Variants in CAPZB observed in about 807,000 individuals in gnomAD.
CAPZB encodes capping actin protein of muscle Z-line subunit beta, also known as F-actin-capping protein subunit beta.
In CAPZB, 2 loss-of-function variants were observed where a neutral mutation model predicts 38.1. The observed-to-expected ratio is 0.05, with a 90% CI of 0.02 to 0.17. The LOEUF (loss-of-function observed/expected upper bound fraction) is 0.17, where lower values mean the gene tolerates loss of function less well. CAPZB is among the 10% of genes least tolerant of loss of function. CAPZB has a pLI of 1.00. For synonymous variants in CAPZB, 107 were observed against 127.4 expected (o/e 0.84, Z 1.08); for missense variants, 161 against 334.2 (o/e 0.48, Z 4.04).
chr1:19,443,046 C>T, intron 1 of CAPZB, among the ~76,000 whole-genome samples: 1 of 152,118 alleles, frequency 6.6e-6, no homozygotes, highest in Non-Finnish European at 1.5e-5. Context: ...ATCATAATTA[C>T]ATCCTTCTCT....
At chr1:19,352,263 G>A (rs2093995597) in intron 6 of CAPZB, among the ~76,000 whole-genome samples, 1 of 152,238 alleles carries the variant, frequency 6.6e-6, no homozygotes, top group African/African-American at 2.4e-5. Flanking sequence ...GGGATTTACT[G>A]CCTGAAGATA....
At position 19,407,911 on chromosome 1, in the gene CAPZB, G is replaced by A. The variant is rs79562526; in HGVS notation, c.93+11750C>T. 7.3e-3 allele frequency among the ~76,000 whole-genome samples: 1,107 copies of A among 152,260 alleles called. 7 individuals carry two copies. The highest frequency in any genetic ancestry group is 0.026 in the African/African-American group (1,062 of 41,532). ...CTGGTGTCAGATGACCCTTATCTCT[G>A]CAGAATGGAAACCAGCCAGCCAAAG... On this transcript the variant is annotated intron_variant, in intron 2 of 8. Transcript: ENST00000264202.
intron 8 of CAPZB, 93 bp downstream of exon 8, chr1:19,344,265 A>G (rs1569862680): frequency 1.0e-6 from 1 of 961,268 alleles, no homozygotes; most frequent in East Asian, 2.4e-5. Context: ...CAATGAGGAC[A>G]CCGAGGCCCA....
At chr1:19,455,850 G>GT (rs938991090) in intron 1 of CAPZB, among the ~76,000 whole-genome samples, 1 of 152,100 alleles carries the variant, frequency 6.6e-6, no homozygotes, top group Non-Finnish European at 1.5e-5. Flanking sequence ...TCTCAAGCAA[G>GT]TTATATACAC....
chr1:19,396,432 CCTGA>C (rs920124472), intron 2 of CAPZB, among the ~76,000 whole-genome samples: 3 of 152,192 alleles, frequency 2.0e-5, no homozygotes, highest in African/African-American at 7.2e-5. Context: ...ATTTCATCTT[CCTGA>C]CTGCCAGCCC....
At chr1:19,390,729 A>G (rs1330697196) in intron 2 of CAPZB, among the ~76,000 whole-genome samples, 1 of 152,060 alleles carries the variant, frequency 6.6e-6, no homozygotes, top group African/African-American at 2.4e-5. Context: ...GAAAAGAAAA[A>G]ACCCCAGAAG....
chr1:19,462,616 G>T (rs184292253), intron 1 of CAPZB, among the ~76,000 whole-genome samples: 1 of 152,170 alleles, frequency 6.6e-6, no homozygotes, highest in Non-Finnish European at 1.5e-5. Context: ...CGAAGTAAGC[G>T]CATTGAATAA....
chr1:19,407,452 G>A (rs973021186), intron 2 of CAPZB, among the ~76,000 whole-genome samples: 1 of 152,140 alleles, frequency 6.6e-6, no homozygotes, highest in Admixed American at 6.5e-5. Flanking sequence ...AGGGTACCTG[G>A]GGGGAGACTA....
In CAPZB at chr1:19,339,510, GGT is replaced by G; in HGVS notation, c.*18_*19del. ...AATCTAACGAGTGCACGGCGTGTCT[GGT>G]TAGCATGAAACAGAGGTTTAGCATT... On this transcript the variant is annotated 3_prime_UTR_variant, in exon 9 of 9. Coordinates refer to ENST00000264202, the MANE Select transcript of CAPZB (RefSeq NM_004930.5). 6.4e-7 allele frequency: 1 copy of G among 1,571,166 alleles called. No individual in the cohort carries two copies.
intron 7 of CAPZB, 152 bp from the exon 8 acceptor site, chr1:19,344,586 C>T (rs59598727): frequency 0.015 from 9,603 of 655,726 alleles, 602 homozygotes; most frequent in African/African-American, 0.14. Flanking sequence ...CTCCAGGCTG[C>T]CAAGACCCCA....
rs536012892 is a variant in CAPZB at position 19,466,944 on chromosome 1, C to T, written c.3+18492G>A. ...TGAGAGAGGGTGTTGTTCTGTCACC[C>T]AGGCTGGAATGCAGGAGTTATTCAT... On this transcript the variant is annotated intron_variant, in intron 1 of 8. Transcript: ENST00000264202. Among the ~76,000 whole-genome samples the T allele has an allele frequency of 6.4e-4, 97 of 152,244 alleles. 1 individual carries two copies. Among genetic ancestry groups the T allele is most frequent in the African/African-American group, 2.2e-3 (93 of 41,540 alleles).
intron 1 of CAPZB, among the ~76,000 whole-genome samples, chr1:19,450,165 A>AAAG (rs2094511013): frequency 3.9e-5 from 5 of 128,204 alleles, no homozygotes; most frequent in African/African-American, 9.6e-5. Flanking sequence ...AAAAAAAAAA[A>AAAG]AAAAGAAAAG....
intron 2 of CAPZB, among the ~76,000 whole-genome samples, chr1:19,413,626 G>A (rs1462129252): frequency 2.0e-5 from 3 of 152,106 alleles, no homozygotes; most frequent in Non-Finnish European, 4.4e-5. Flanking sequence ...GAGCCACCAG[G>A]CCCAGCTTAA....
chr1:19,424,016 T>C (rs1339074034), intron 1 of CAPZB, among the ~76,000 whole-genome samples: 1 of 152,264 alleles, frequency 6.6e-6, no homozygotes, highest in East Asian at 1.9e-4. Context: ...TTTGCTATGT[T>C]GCCCAGGCTG....
intron 2 of CAPZB, among the ~76,000 whole-genome samples, chr1:19,400,304 A>C (rs1313043953): frequency 6.6e-6 from 1 of 152,192 alleles, no homozygotes; most frequent in African/African-American, 2.4e-5. Context: ...GGAGAGGAGA[A>C]ACCCCAGGCT....
chr1:19,354,256 ATGCTCACTGAGC>A (rs2094007958), intron 6 of CAPZB, among the ~76,000 whole-genome samples: 3 of 152,206 alleles, frequency 2.0e-5, no homozygotes. Flanking sequence ...ATGCATGTTC[ATGCTCACTGAGC>A]TGCTCACTTC....
intron 1 of CAPZB, among the ~76,000 whole-genome samples, chr1:19,474,306 A>G (rs1197531955): frequency 6.6e-6 from 1 of 152,050 alleles, no homozygotes; most frequent in African/African-American, 2.4e-5. Context: ...TATTTACAGT[A>G]TTCTTACTTA....
rs186870959 is a variant in CAPZB at position 19,438,087 on chromosome 1, C to T, written c.4-18337G>A. On this transcript the variant is annotated intron_variant, in intron 1 of 8. Transcript: ENST00000264202. ...TGTTCTTACCTCCCACTACCTCCTA[C>T]GTCAGGGGAGGGGACCGGGCACATG... is the stretch of plus-strand genomic sequence containing the variant. Among the ~76,000 whole-genome samples the T allele has an allele frequency of 2.6e-5, 4 of 152,272 alleles. No homozygotes were observed. The East Asian group carries it at 7.7e-4, about 29-fold the overall frequency.
Position 19,479,142 on chromosome 1 carries a change from G to A in CAPZB, c.3+6294C>T, listed in dbSNP as rs186650279. Reference sequence around the variant, plus strand: ...AGAGAATTCCCTGAGTCTAGGAGACGGAGGTTGCAGGGAGTCGAGATCGTG... The same window carrying A: ...AGAGAATTCCCTGAGTCTAGGAGACAGAGGTTGCAGGGAGTCGAGATCGTG... On this transcript the variant is annotated intron_variant, in intron 1 of 8. Transcript: ENST00000264202. 5.3e-5 allele frequency among the ~76,000 whole-genome samples: 8 copies of A among 152,322 alleles called. No homozygotes were observed. In the East Asian group the frequency reaches 9.7e-4, roughly 18 times the overall value.
Sources: gnomAD v4.1 joint callset for allele counts (sites outside exome capture counted in the v4.1 genomes callset) on GRCh38, gnomAD v4.1.1 for gene constraint, MANE v1.5 for transcripts, NCBI Gene and HGNC (gene_info 2026-07-23, HGNC 2026-07-21) for gene names.